Variants in EFR3B observed in about 807,000 individuals in gnomAD.
EFR3B encodes EFR3 homolog B, also known as protein EFR3 homolog B.
In EFR3B, 64 loss-of-function variants were observed where a neutral mutation model predicts 104.7. The observed-to-expected ratio is 0.61, with a 90% CI of 0.50 to 0.75. The LOEUF (loss-of-function observed/expected upper bound fraction) is 0.75. Ranked by LOEUF, EFR3B falls within the 30% of genes least tolerant of loss-of-function variation. The pLI is 0.00. For synonymous variants in EFR3B, 385 were observed against 417.9 expected (o/e 0.92, Z 0.96); for missense variants, 750 against 1,078.5 (o/e 0.70, Z 4.27).
chr2:25,137,346 C>T lies in EFR3B; in HGVS notation c.1566C>T (p.Ser522=). The T allele has an allele frequency of 6.4e-7, 1 of 1,552,200 alleles. No homozygotes were observed. Among genetic ancestry groups the T allele is most frequent in the Non-Finnish European group, 8.7e-7 (1 of 1,147,134 alleles). ...RQDTVFMKKH[S]QQLYRHIYLS... ...CTGCCCGCTCCTGTCCCCAGCACTC[C>T]CAGCAGCTCTACAGACACATCTACC... The change falls in exon 15 of 23, where the codon TCC becomes TCT. Residue 522 remains serine (S), a synonymous_variant. Transcript: ENST00000403714. The surrounding 1 kb of genome is among the most constrained non-coding windows in gnomAD (Gnocchi z 4.7).
At chr2:25,088,674 G>T (rs1357651092) in intron 1 of EFR3B, among the ~76,000 whole-genome samples, 1 of 152,108 alleles carries the variant, frequency 6.6e-6, no homozygotes, top group African/African-American at 2.4e-5. Flanking sequence ...AGCCATGTGG[G>T]ATAGCCCTAG....
intron 1 of EFR3B, chr2:25,079,808 C>T: frequency 1.4e-6 from 1 of 703,518 alleles, no homozygotes; most frequent in Non-Finnish European, 2.6e-6. Context: ...CAATTACAAC[C>T]TCCACACACC....
chr2:25,118,105 G>T (rs1039088303), intron 4 of EFR3B, among the ~76,000 whole-genome samples: 1 of 152,132 alleles, frequency 6.6e-6, no homozygotes, highest in East Asian at 1.9e-4. Flanking sequence ...TCAGCCTCCC[G>T]AGTAGCTGGG....
chr2:25,088,585 C>G (rs1669023994), intron 1 of EFR3B, among the ~76,000 whole-genome samples: 1 of 152,130 alleles, frequency 6.6e-6, no homozygotes, highest in Admixed American at 6.5e-5. Flanking sequence ...CGGGCAGCTT[C>G]CAGAACCTTC....
intron 2 of EFR3B, among the ~76,000 whole-genome samples, chr2:25,092,519 A>G (rs557599036): frequency 2.6e-5 from 4 of 151,992 alleles, no homozygotes; most frequent in Admixed American, 6.6e-5. Context: ...GCACACACAT[A>G]TATACATTTT....
At chr2:25,046,262 G>A (rs1285476253) in intron 1 of EFR3B, among the ~76,000 whole-genome samples, 1 of 151,878 alleles carries the variant, frequency 6.6e-6, no homozygotes, top group Non-Finnish European at 1.5e-5. Flanking sequence ...GCGTGCACCT[G>A]TAATCCCAGC....
chr2:25,058,038 A>G (rs781719740), intron 1 of EFR3B: 1 of 152,228 alleles, frequency 6.6e-6, no homozygotes, highest in African/African-American at 2.4e-5. Context: ...TGTAGCTGGC[A>G]TGGTGACATG....
intron 1 of EFR3B, among the ~76,000 whole-genome samples, chr2:25,065,100 A>G (rs1668296951): frequency 6.6e-6 from 1 of 152,130 alleles, no homozygotes; most frequent in African/African-American, 2.4e-5. Context: ...GGGCACACCA[A>G]GGCAGCACAT....
At chr2:25,079,837 G>C in intron 1 of EFR3B, 1 of 828,290 alleles carries the variant, frequency 1.2e-6, no homozygotes, top group Non-Finnish European at 2.1e-6. Flanking sequence ...CAATAACACA[G>C]AACACAGTAT....
chr2:25,042,734 C>A lies in EFR3B; in HGVS notation c.7+415C>A. The A allele has an allele frequency of 1.0e-6, 1 of 987,346 alleles. No individual in the cohort carries two copies. Among genetic ancestry groups the A allele is most frequent in the Non-Finnish European group, 1.2e-6 (1 of 829,884 alleles). The allele number at this position is 987,346 out of a possible 1,614,324, so 61.2% of individuals were successfully genotyped here. On this transcript the variant is annotated intron_variant, in intron 1 of 22. Coordinates refer to ENST00000403714, the MANE Select transcript of EFR3B (RefSeq NM_014971.2). The surrounding 1 kb of genome is among the most constrained non-coding windows in gnomAD (Gnocchi z 5.4). Reference sequence around the variant, plus strand: ...GAGGGAGACGCCCGCGGCCGGTCGTCTGCGCGGCTCGGAGAAGGCGGGAGG... The same window carrying A: ...GAGGGAGACGCCCGCGGCCGGTCGTATGCGCGGCTCGGAGAAGGCGGGAGG...
intron 1 of EFR3B, among the ~76,000 whole-genome samples, chr2:25,062,737 G>C (rs550966667): frequency 4.6e-5 from 7 of 152,210 alleles, no homozygotes; most frequent in African/African-American, 1.4e-4. Flanking sequence ...GCAGGGCAGT[G>C]GGGGGAGGCC....
At chr2:25,069,503 A>G (rs1668431816) in intron 1 of EFR3B, among the ~76,000 whole-genome samples, 2 of 152,194 alleles carry the variant, frequency 1.3e-5, no homozygotes, top group Admixed American at 1.3e-4. Flanking sequence ...GTAGAAGAAA[A>G]CAGCCTTATT....
chr2:25,052,271 C>T (rs1185082119), intron 1 of EFR3B, among the ~76,000 whole-genome samples: 3 of 151,906 alleles, frequency 2.0e-5, no homozygotes, highest in Admixed American at 2.0e-4. Flanking sequence ...TGGCAGAGAA[C>T]ACATTTCTCT....
chr2:25,045,713 C>G (rs749872230), intron 1 of EFR3B, among the ~76,000 whole-genome samples: 1 of 151,420 alleles, frequency 6.6e-6, no homozygotes, highest in East Asian at 1.9e-4. Flanking sequence ...ACCTGGGAGG[C>G]GGAGGTTGCA....
In EFR3B at chr2:25,131,907, C is replaced by T. The variant is rs763828919; in HGVS notation, c.1143C>T (p.Thr381=). 5 of 1,283,526 alleles carry T rather than the reference C, an allele frequency of 3.9e-6. No homozygotes were observed. The highest frequency in any genetic ancestry group is 1.6e-5 in the African/African-American group (1 of 63,070). 79.5% of individuals were successfully genotyped at this position (1,283,526 alleles called of 1,614,324 possible). The change falls in exon 10 of 23, where the codon ACC becomes ACT. Residue 381 remains threonine, a synonymous_variant. Coordinates refer to ENST00000403714, the MANE Select transcript of EFR3B (RefSeq NM_014971.2). The surrounding 1 kb of genome is among the most constrained non-coding windows in gnomAD (Gnocchi z 7.6). ...ERMFQEAVIK[T]VGSFASTLPT... is the part of the protein sequence containing the mutation. ...TGTTCCAGGAGGCCGTCATCAAGAC[C>T]GTGGGTGCGGCGCGGGGCCGGGCCG...
intron 1 of EFR3B, among the ~76,000 whole-genome samples, chr2:25,068,505 C>T (rs1558588384): frequency 6.6e-6 from 1 of 152,084 alleles, no homozygotes; most frequent in Non-Finnish European, 1.5e-5. Flanking sequence ...CATCCTGGGG[C>T]ACAAGCATAA....
chr2:25,061,967 A>AT (rs1558585741), intron 1 of EFR3B, among the ~76,000 whole-genome samples: 4 of 151,936 alleles, frequency 2.6e-5, no homozygotes, highest in Admixed American at 1.3e-4. Context: ...ACTTTATTTT[A>AT]TTTTTTTTAG....
At chr2:25,106,085 A>G (rs898441100) in intron 4 of EFR3B, among the ~76,000 whole-genome samples, 5 of 152,102 alleles carry the variant, frequency 3.3e-5, no homozygotes, top group Non-Finnish European at 5.9e-5. Flanking sequence ...GACCTTCTTG[A>G]GCCTTCCTGA....
At chr2:25,118,811 C>G (rs372600628) in intron 4 of EFR3B, among the ~76,000 whole-genome samples, 4 of 142,376 alleles carry the variant, frequency 2.8e-5, no homozygotes, top group Non-Finnish European at 3.0e-5. Context: ...GAGGCCAAGG[C>G]GGGCGGATCA....
Sources: gnomAD v4.1 joint callset for allele counts (sites outside exome capture counted in the v4.1 genomes callset) on GRCh38, gnomAD v4.1.1 for gene constraint, Gnocchi (gnomAD v3.1) non-coding constraint, MANE v1.5 for transcripts, NCBI Gene and HGNC (gene_info 2026-07-23, HGNC 2026-07-21) for gene names.